The following MUC5B variants were observed in gnomAD, a reference collection of about 807,000 sequenced individuals.
MUC5B encodes mucin-5B.
A neutral mutation model predicts 376.9 loss-of-function variants in MUC5B; 116 were observed. The observed-to-expected ratio is 0.31, with a 90% CI of 0.26 to 0.36. MUC5B has a LOEUF of 0.36. Ranked by LOEUF, MUC5B falls within the 10% of genes least tolerant of loss-of-function variation. The probability of loss-of-function intolerance (pLI) is 1.00; values close to 1 mark genes in which losing one functional copy is unlikely to be tolerated. For missense variants in MUC5B, 7,165 were observed against 7,769.9 expected (o/e 0.92, Z 2.93); for synonymous variants, 3,517 against 3,390.9 (o/e 1.04, Z -1.29).
In MUC5B at chr11:1,242,894, T is replaced by C; in HGVS notation, c.6014T>C (p.Met2005Thr). The C allele has an allele frequency of 6.2e-7, 1 of 1,610,334 alleles. No homozygotes were observed. The highest frequency in any genetic ancestry group is 1.7e-5 in the Admixed American group (1 of 59,744). Residue 2005 changes from methionine (M) to threonine (T), a missense_variant, in exon 31 of 49, where the codon ATG becomes ACG. By Grantham distance (81) the Met-to-Thr change is moderately conservative (BLOSUM62 -1). Transcript: ENST00000529681. Reference sequence around the variant, plus strand: ...CAGACCACCACACCCACGGCCACCATGTCCACAGCCACACCCTCCTCCACT... The same window carrying C: ...CAGACCACCACACCCACGGCCACCACGTCCACAGCCACACCCTCCTCCACT... The part of the protein sequence containing the change: ...LSQTTTPTAT[M>T]STATPSSTPE...
Position 1,240,300 on chromosome 11 carries a change from G to A in MUC5B, c.3895G>A (p.Ala1299Thr), listed in dbSNP as rs377734192. Residue 1299 changes from alanine (A) to threonine (T), a missense_variant, in exon 30 of 49, where the codon GCT becomes ACT. By Grantham distance (58) the Ala-to-Thr change is moderately conservative. Around this residue, in one of 31 missense-constraint regions of MUC5B, gnomAD observed 517 missense variants for 545.3 expected, o/e 0.95. Coordinates refer to ENST00000529681, the MANE Select transcript of MUC5B (RefSeq NM_002458.3). The part of the protein sequence containing the change: ...CGSNGTIIRK[A>T]VACPGTPATT... ...AAGCAACGGCACCATCATCAGGAAGGCTGTGGCATGTCCTGGAACTCCAGC... is the reference window on the plus strand; with the variant it reads ...AAGCAACGGCACCATCATCAGGAAGACTGTGGCATGTCCTGGAACTCCAGC... The A allele has an allele frequency of 4.3e-6, 7 of 1,613,552 alleles. No individual in the cohort carries two copies. Among genetic ancestry groups the A allele is most frequent in the Non-Finnish European group, 5.1e-6 (6 of 1,179,612 alleles).
rs1249788230 is a variant in MUC5B at position 1,226,215 on chromosome 11, G to A, written c.138G>A (p.Thr46=). 3.2e-6 allele frequency: 5 copies of A among 1,552,776 alleles called. No homozygotes were observed. Among genetic ancestry groups the A allele is most frequent in the Non-Finnish European group, 3.5e-6 (4 of 1,149,794 alleles). ...AGHTMDGGAP[T]SSPTRRVSFV... is the part of the protein sequence containing the mutation. ...AGCCTTCACCCACAGGTGCCCCGACGTCCTCGCCCACCCGGCGCGTGAGCT... is the reference window on the plus strand; with the variant it reads ...AGCCTTCACCCACAGGTGCCCCGACATCCTCGCCCACCCGGCGCGTGAGCT... The change falls in exon 3 of 49, where the codon ACG becomes ACA. Residue 46 remains threonine, a synonymous_variant. Coordinates refer to ENST00000529681, the MANE Select transcript of MUC5B (RefSeq NM_002458.3).
intron 39 of MUC5B, 77 bp downstream of exon 39, chr11:1,256,848 G>A: frequency 8.7e-7 from 1 of 1,154,388 alleles, no homozygotes; most frequent in Non-Finnish European, 1.2e-6. Context: ...AGCCGCCCAG[G>A]ACCATGATGT....
rs571537660 is a variant in MUC5B at position 1,250,260 on chromosome 11, G to A, written c.13380G>A (p.Thr4460=). 2.7e-4 allele frequency: 440 copies of A among 1,611,428 alleles called. No homozygotes were observed. The highest frequency in any genetic ancestry group is 1.8e-3 in the Admixed American group (110 of 59,874). The change falls in exon 31 of 49, where the codon ACG becomes ACA. Residue 4460 remains threonine, a synonymous_variant. Coordinates refer to ENST00000529681, the MANE Select transcript of MUC5B (RefSeq NM_002458.3). Reference sequence around the variant, plus strand: ...AGCCGAGCACTACAGCCACCGTGACGGTGCCCACCGGATCCACGGCCACCG... The same window carrying A: ...AGCCGAGCACTACAGCCACCGTGACAGTGCCCACCGGATCCACGGCCACCG... ...LTEPSTTATV[T]VPTGSTATAS...
Position 1,229,225 on chromosome 11 carries a change from C to A in MUC5B, c.1032C>A (p.Asp344Glu). The A allele has an allele frequency of 6.3e-7, 1 of 1,599,904 alleles. No homozygotes were observed. The highest frequency in any genetic ancestry group is 8.5e-7 in the Non-Finnish European group (1 of 1,176,284). The change falls in exon 9 of 49, where the codon GAC (aspartate) becomes GAA (glutamate). Residue 344 changes from aspartate (D) to glutamate (E), a missense_variant. Coordinates refer to ENST00000529681, the MANE Select transcript of MUC5B (RefSeq NM_002458.3). The stretch of plus-strand genomic sequence containing the variant: ...AGGAGTGTGGCTCACCCTGCACGGA[C>A]ACCTGCTCCAACCCCCAGCGCGCGC... The part of the protein sequence containing the change: ...QHQECGSPCT[D>E]TCSNPQRAQL...
chr11:1,242,275 C>G lies in MUC5B; in HGVS notation c.5395C>G (p.Pro1799Ala). ...EWTEWFDVDF[P>A]TSGVAGGDME... Reference sequence around the variant, plus strand: ...GACAGAGTGGTTTGACGTGGACTTCCCAACCTCAGGGGTTGCAGGCGGGGA... The same window carrying G: ...GACAGAGTGGTTTGACGTGGACTTCGCAACCTCAGGGGTTGCAGGCGGGGA... The change falls in exon 31 of 49, where the codon CCA (proline) becomes GCA (alanine). Residue 1799 changes from proline (P) to alanine (A), a missense_variant. Pro to Ala is a conservative substitution (Grantham distance 27). Transcript: ENST00000529681. The G allele has an allele frequency of 6.2e-7, 1 of 1,613,892 alleles. No homozygotes were observed. The highest frequency in any genetic ancestry group is 8.5e-7 in the Non-Finnish European group (1 of 1,179,888).
chr11:1,243,567 G>A lies in MUC5B; in HGVS notation c.6687G>A (p.Glu2229=). The change falls in exon 31 of 49, where the codon GAG becomes GAA. Residue 2229 remains glutamate, a synonymous_variant. Coordinates refer to ENST00000529681, the MANE Select transcript of MUC5B (RefSeq NM_002458.3). The part of the protein sequence containing the change: ...SGILGTTHIT[E]PSTVTSHTLA... ...TCTTGGGCACCACCCACATCACAGA[G>A]CCTTCCACGGTGACTTCCCACACCC... 2 of 1,607,944 alleles carry A rather than the reference G, an allele frequency of 1.2e-6. No homozygotes were observed. Among genetic ancestry groups the A allele is most frequent in the Non-Finnish European group, 1.7e-6 (2 of 1,178,272 alleles).
In MUC5B at chr11:1,256,781, G is replaced by T. The variant is rs566354695; in HGVS notation, c.16237+10G>T. ...TGCGTGCAGGCCTGCCGTAAGCTCC[G>T]CCACCTGTGGCGGGATACGACCCTG... On this transcript the variant is annotated intron_variant, in intron 39 of 48. Coordinates refer to ENST00000529681, the MANE Select transcript of MUC5B (RefSeq NM_002458.3). 1.1e-5 allele frequency: 16 copies of T among 1,517,750 alleles called. No individual in the cohort carries two copies. The Admixed American group carries it at 1.8e-4, about 17-fold the overall frequency. 94.0% of individuals were successfully genotyped at this position (1,517,750 alleles called of 1,614,324 possible).
In MUC5B at chr11:1,245,885, C is replaced by G. The variant is rs200554635; in HGVS notation, c.9005C>G (p.Thr3002Arg). The G allele has an allele frequency of 3.7e-6, 6 of 1,613,210 alleles. No homozygotes were observed. In the South Asian group the frequency reaches 5.5e-5, roughly 15 times the overall value. ...ILTEQTTAATTTATTGSTAIP... is the reference protein window; with the variant it reads ...ILTEQTTAATRTATTGSTAIP... ...ACAGAGCAGACCACAGCAGCCACTA[C>G]GACCGCAACCACTGGATCCACGGCC... The change falls in exon 31 of 49, where the codon ACG (threonine) becomes AGG (arginine). Residue 3002 changes from threonine (T) to arginine (R), a missense_variant. Around this residue, in one of 31 missense-constraint regions of MUC5B, gnomAD observed 939 missense variants for 770.6 expected, o/e 1.22. Coordinates refer to ENST00000529681, the MANE Select transcript of MUC5B (RefSeq NM_002458.3).
intron 48 of MUC5B, 123 bp from the exon 49 acceptor site, chr11:1,261,266 C>A: frequency 4.9e-6 from 4 of 814,040 alleles, no homozygotes; most frequent in Non-Finnish European, 7.8e-6. Context: ...ACAGAGCAGG[C>A]CACTGTGGAC....
intron 31 of MUC5B, among the ~76,000 whole-genome samples, chr11:1,252,041 C>T (rs1862715646): frequency 6.6e-6 from 1 of 152,026 alleles, no homozygotes; most frequent in African/African-American, 2.4e-5. Context: ...TCCCCACTGG[C>T]CACACTGGGT....
intron 9 of MUC5B, among the ~76,000 whole-genome samples, 167 bp downstream of exon 9, chr11:1,229,462 G>C (rs56272039): frequency 1.3e-5 from 2 of 152,172 alleles, no homozygotes; most frequent in African/African-American, 4.8e-5. Flanking sequence ...AAGACCTGCC[G>C]ATGCGTGGAG....
At chr11:1,229,098 A>C in intron 8 of MUC5B, 72 bp from the exon 9 acceptor site, 5 of 1,439,312 alleles carry the variant, frequency 3.5e-6, no homozygotes, top group Non-Finnish European at 4.6e-6. Context: ...AGGCCGTGGA[A>C]GGCGGCTGGG....
chr11:1,254,140 CCT>C lies in MUC5B; in HGVS notation c.15269_15270del (p.Ser5090LeufsTer73). 1 of 1,612,928 alleles carries C rather than the reference CCT, an allele frequency of 6.2e-7. No individual in the cohort carries two copies. Among genetic ancestry groups the C allele is most frequent in the Non-Finnish European group, 8.5e-7 (1 of 1,179,838 alleles). ...TCCCACTATTCCACCTTTGACGGCA[CCT>C]CTTACACCTTCCGGGGCAACTGCAC... On this transcript the variant is annotated frameshift_variant, in exon 34 of 49. Coordinates refer to ENST00000529681, the MANE Select transcript of MUC5B (RefSeq NM_002458.3). LOFTEE classifies it high-confidence loss of function.
Position 1,234,985 on chromosome 11 carries a change from G to T in MUC5B, c.2631-100G>T. ...GAGGGGTCAGGCTGGGCCTGGGGAG[G>T]CTGAGGCCCCGTGCTGACCTGCACA... On this transcript the variant is annotated intron_variant, in intron 21 of 48. Coordinates refer to ENST00000529681, the MANE Select transcript of MUC5B (RefSeq NM_002458.3). The surrounding 1 kb of genome is among the most constrained non-coding windows in gnomAD (Gnocchi z 6.3). 2.1e-6 allele frequency: 3 copies of T among 1,444,350 alleles called. No individual in the cohort carries two copies. The highest frequency in any genetic ancestry group is 2.7e-6 in the Non-Finnish European group (3 of 1,093,488). 89.5% of individuals were successfully genotyped at this position (1,444,350 alleles called of 1,614,324 possible).
In MUC5B at chr11:1,241,470, C is replaced by T. The variant is rs769275643; in HGVS notation, c.4590C>T (p.Tyr1530=). Residue 1530 remains tyrosine, a synonymous_variant, in exon 31 of 49, where the codon TAC becomes TAT. Transcript: ENST00000529681. The part of the protein sequence containing the change: ...SEQLGGDVES[Y]DKIRAAGGHL... The stretch of plus-strand genomic sequence containing the variant: ...AACTTGGAGGGGACGTTGAGTCCTA[C>T]GATAAGATCAGGGCCGCTGGAGGGC... 2.0e-5 allele frequency: 33 copies of T among 1,613,432 alleles called. No individual in the cohort carries two copies. The East Asian group carries it at 3.6e-4, about 17-fold the overall frequency.
At chr11:1,238,845 G>C in intron 25 of MUC5B, 26 bp from the exon 26 acceptor site, 1 of 1,543,592 alleles carries the variant, frequency 6.5e-7, no homozygotes, top group Non-Finnish European at 8.8e-7. Flanking sequence ...TGTCCCGGCT[G>C]AGCTGCACCT....
Position 1,247,556 on chromosome 11 carries a change from C to G in MUC5B, c.10676C>G (p.Thr3559Arg). 6.2e-7 allele frequency: 1 copy of G among 1,611,042 alleles called. No individual in the cohort carries two copies. The highest frequency in any genetic ancestry group is 8.5e-7 in the Non-Finnish European group (1 of 1,179,442). The part of the protein sequence containing the change: ...RTSTLLPSSP[T>R]SAPITTVVTT... ...TCGACCCTGCTGCCCAGCAGCCCCACATCGGCCCCCATAACCACGGTGGTG... is the reference window on the plus strand; with the variant it reads ...TCGACCCTGCTGCCCAGCAGCCCCAGATCGGCCCCCATAACCACGGTGGTG... Residue 3559 changes from threonine to arginine, a missense_variant, in exon 31 of 49, where the codon ACA becomes AGA. Around this residue, in one of 31 missense-constraint regions of MUC5B, gnomAD observed 81 missense variants for 154.5 expected, o/e 0.52. Coordinates refer to ENST00000529681, the MANE Select transcript of MUC5B (RefSeq NM_002458.3).
At position 1,246,927 on chromosome 11, in the gene MUC5B, C is replaced by G; in HGVS notation, c.10047C>G (p.Pro3349=). 6.2e-7 allele frequency: 1 copy of G among 1,610,620 alleles called. No homozygotes were observed. Among genetic ancestry groups the G allele is most frequent in the East Asian group, 2.2e-5 (1 of 44,852 alleles). The change falls in exon 31 of 49, where the codon CCC becomes CCG. Residue 3349 remains proline (P), a synonymous_variant. Coordinates refer to ENST00000529681, the MANE Select transcript of MUC5B (RefSeq NM_002458.3). ...CAACCAGAGGCTCCACGGTGACCCC[C>G]TCCTCCATCCCGGGGACCACCCACA... ...TPTTRGSTVT[P]SSIPGTTHTA... is the part of the protein sequence containing the mutation.
Sources: gnomAD v4.1 joint callset for allele counts (sites outside exome capture counted in the v4.1 genomes callset) on GRCh38, gnomAD v4.1.1 for gene constraint, gnomAD v4.1.1 regional missense constraint, Gnocchi (gnomAD v3.1) non-coding constraint, MANE v1.5 for transcripts, NCBI Gene and HGNC (gene_info 2026-07-23, HGNC 2026-07-21) for gene names.